The following SET variants were observed in gnomAD, a reference collection of about 807,000 sequenced individuals.
SET encodes protein SET.
Under a neutral mutation model 39.0 loss-of-function variants are expected in SET, and 4 were observed. The observed-to-expected ratio is 0.10, with a 90% CI of 0.05 to 0.23. The LOEUF (loss-of-function observed/expected upper bound fraction) is 0.23. Among genes scored for constraint, SET ranks in the 10% least tolerant of loss-of-function variants. The pLI is 1.00. For synonymous variants in SET, 114 were observed against 115.9 expected, an observed-to-expected ratio of 0.98 and a Z score of 0.11; for missense variants, 137 against 329.7, an observed-to-expected ratio of 0.42 and a Z score of 4.53.
upstream of SET, chr9:128,685,343 G>A (rs533068802): frequency 6.1e-4 from 449 of 733,588 alleles, no homozygotes; most frequent in Non-Finnish European, 1.0e-3. Context: ...CATCATCAGT[G>A]CTCTAGAGTG....
intron 5 of SET, 68 bp from the exon 6 acceptor site, chr9:128,693,570 T>G (rs1272255026): frequency 6.9e-7 from 1 of 1,452,296 alleles, no homozygotes; most frequent in East Asian, 2.5e-5. Flanking sequence ...AAATCTTATT[T>G]TTTAAATTAT....
chr9:128,690,303 A>G (rs1384568770), intron 1 of SET: 1 of 152,778 alleles, frequency 6.5e-6, no homozygotes, highest in African/African-American at 2.4e-5. Flanking sequence ...CGACCAGTGT[A>G]TCGGGGGTCT....
chr9:128,693,047 T>G, intron 5 of SET, 66 bp downstream of exon 5: 1 of 1,039,318 alleles, frequency 9.6e-7, no homozygotes. Context: ...TTTAACCACT[T>G]ACAAGTGCTT....
chr9:128,691,429 T>C (rs562116043), intron 2 of SET, among the ~76,000 whole-genome samples: 11 of 152,350 alleles, frequency 7.2e-5, no homozygotes, highest in African/African-American at 2.6e-4. Flanking sequence ...TTACAAGGTT[T>C]GGGTTTGCTT....
intron 1 of SET, chr9:128,690,251 C>T (rs1861474860): frequency 6.5e-6 from 1 of 153,196 alleles, no homozygotes; most frequent in Admixed American, 6.5e-5. Flanking sequence ...CCACGTGGGG[C>T]GGCCGCCCCG....
In SET at chr9:128,693,242, A is replaced by G. The variant is rs192124715; in HGVS notation, c.492+261A>G. Among the ~76,000 whole-genome samples the G allele has an allele frequency of 1.7e-3, 258 of 152,272 alleles. 2 individuals carry two copies. Among genetic ancestry groups the G allele is most frequent in the African/African-American group, 5.7e-3 (238 of 41,558 alleles). ...CTTACCTTCCAAAAAACAAAAAAAA[A>G]GAGAAAAATCTAGCCCAAGTTTAAG... On this transcript the variant is annotated intron_variant, in intron 5 of 7. Coordinates refer to ENST00000322030, the MANE Select transcript of SET (RefSeq NM_003011.4).
upstream of SET, among the ~76,000 whole-genome samples, chr9:128,687,535 G>C (rs1265161708): frequency 6.6e-6 from 1 of 151,612 alleles, no homozygotes; most frequent in African/African-American, 2.4e-5. Context: ...TTGAACCCGG[G>C]AGGCGGAGGT....
chr9:128,683,814 C>T, exon 1 of SET: 1 of 1,223,356 alleles, frequency 8.2e-7, no homozygotes, highest in East Asian at 2.6e-5. Context: ...AAGCCGCTGG[C>T]ACCTGGGGCA....
chr9:128,686,004 GCGA>G (rs1861272155), upstream of SET, among the ~76,000 whole-genome samples: 1 of 151,826 alleles, frequency 6.6e-6, no homozygotes, highest in Non-Finnish European at 1.5e-5. Flanking sequence ...TCCAGCCTGG[GCGA>G]CAAGAACAAC....
chr9:128,689,762 G>C (rs989663802), intron 1 of SET, 107 bp downstream of exon 1: 2 of 155,074 alleles, frequency 1.3e-5, no homozygotes, highest in Admixed American at 6.8e-5. Flanking sequence ...GCGCCGGGCG[G>C]GGGGGCGCGG....
chr9:128,692,648 AT>A lies in SET; in HGVS notation c.275-10del, dbSNP rs757716977. Reference sequence around the variant, plus strand: ...CTGTTGAAAATTCAGCTGACCTGTAATTTTCTGGCCTAGTGTCTGCACTGCT... The same window carrying A: ...CTGTTGAAAATTCAGCTGACCTGTAATTTCTGGCCTAGTGTCTGCACTGCT... On this transcript the variant is annotated splice_polypyrimidine_tract_variant and intron_variant, in intron 3 of 7. Transcript: ENST00000322030. 3 of 1,572,904 alleles carry A rather than the reference AT, an allele frequency of 1.9e-6. No individual in the cohort carries two copies. The South Asian group carries it at 3.3e-5, about 18-fold the overall frequency.
intron 1 of SET, chr9:128,690,568 G>A (rs1484332559): frequency 6.5e-6 from 1 of 153,726 alleles, no homozygotes; most frequent in Admixed American, 6.5e-5. Flanking sequence ...AGTCGTGTGG[G>A]GCCGCATCTG....
At chr9:128,691,622 C>A (rs1027000475) in intron 2 of SET, among the ~76,000 whole-genome samples, 2 of 152,152 alleles carry the variant, frequency 1.3e-5, no homozygotes, top group South Asian at 2.1e-4. Flanking sequence ...TAAATACACA[C>A]GTTACCAGAG....
In SET at chr9:128,683,808, C is replaced by T. The variant is rs551070582; in HGVS notation, c.-88C>T. 19 of 1,176,658 alleles carry T rather than the reference C, an allele frequency of 1.6e-5. No homozygotes were observed. The East Asian group carries it at 2.3e-4, about 14-fold the overall frequency. 72.9% of individuals were successfully genotyped at this position (1,176,658 alleles called of 1,614,324 possible). A position where few individuals can be genotyped will look rare whatever the true frequency, so the allele number is the denominator to read the frequency against. ...GGGCGGCTCCAGTGCAGATTTAAGC[C>T]GCTGGCACCTGGGGCAGTCTCAGTG... is the stretch of plus-strand genomic sequence containing the variant. On this transcript the variant is annotated 5_prime_UTR_variant, in exon 1 of 8. Coordinates refer to the SET transcript ENST00000372692.
At chr9:128,690,874 A>G in intron 1 of SET, 1 of 423,966 alleles carries the variant, frequency 2.4e-6, no homozygotes, top group Admixed American at 4.0e-5. Flanking sequence ...GAATAAGGTT[A>G]TTCTGTGTCT....
chr9:128,685,304 C>T (rs934631691), upstream of SET: 1 of 1,067,710 alleles, frequency 9.4e-7, no homozygotes, highest in Non-Finnish European at 1.4e-6. Context: ...AGTCTGAAAT[C>T]TAAGGGGAGC....
At chr9:128,691,529 C>T (rs1275026626) in intron 2 of SET, among the ~76,000 whole-genome samples, 1 of 152,186 alleles carries the variant, frequency 6.6e-6, no homozygotes, top group African/African-American at 2.4e-5. Flanking sequence ...TGCCTTACAA[C>T]TTTGTTATGG....
chr9:128,692,039 G>A (rs369077119), intron 3 of SET, 39 bp downstream of exon 3: 2 of 1,601,974 alleles, frequency 1.2e-6, no homozygotes, highest in Non-Finnish European at 1.7e-6. Flanking sequence ...GATAAACAGT[G>A]TTTGTTAGAA....
upstream of SET, chr9:128,684,948 T>G (rs1589449400): frequency 8.4e-7 from 1 of 1,190,938 alleles, no homozygotes; most frequent in Non-Finnish European, 1.1e-6. Context: ...GGATAGAGAG[T>G]TGACTGTTCT....
Sources: gnomAD v4.1 joint callset for allele counts (sites outside exome capture counted in the v4.1 genomes callset) on GRCh38, gnomAD v4.1.1 for gene constraint, MANE v1.5 for transcripts, NCBI Gene and HGNC (gene_info 2026-07-23, HGNC 2026-07-21) for gene names.